The following SLC39A6 variants were observed in gnomAD, a reference collection of about 807,000 sequenced individuals.
SLC39A6 encodes the protein solute carrier family 39 member 6, also known as zinc transporter ZIP6.
Under a neutral mutation model 63.5 loss-of-function variants are expected in SLC39A6, and 51 were observed. The observed-to-expected ratio is 0.80, with a 90% confidence interval of 0.64 to 1.01. The LOEUF (loss-of-function observed/expected upper bound fraction) is 1.01, where lower values mean the gene tolerates loss of function less well. Ranked by LOEUF, SLC39A6 falls within the 50% of genes least tolerant of loss-of-function variation. SLC39A6 has a pLI of 0.00. For missense variants in SLC39A6, 805 were observed against 927.8 expected, an observed-to-expected ratio of 0.87 and a Z score of 1.72; for synonymous variants, 318 against 324.7, an observed-to-expected ratio of 0.98 and a Z score of 0.22.
At chr18:36,119,920 G>A (rs1187859466) in intron 5 of SLC39A6, among the ~76,000 whole-genome samples, 1 of 151,748 alleles carries the variant, frequency 6.6e-6, no homozygotes, top group Non-Finnish European at 1.5e-5. Flanking sequence ...GAAAAAAAAA[G>A]AAAAGCTGTA....
At chr18:36,120,820 A>T (rs896702582) in intron 5 of SLC39A6, among the ~76,000 whole-genome samples, 1 of 152,208 alleles carries the variant, frequency 6.6e-6, no homozygotes, top group African/African-American at 2.4e-5. Flanking sequence ...TGAACACAAA[A>T]GCTGAATACT....
At position 36,109,497 on chromosome 18, in the gene SLC39A6, C is replaced by G. The variant is rs1055911072; in HGVS notation, c.*96G>C. The G allele has an allele frequency of 1.3e-5, 12 of 924,458 alleles. No homozygotes were observed. The highest frequency in any genetic ancestry group is 1.9e-5 in the Non-Finnish European group (12 of 626,452). 57.3% of individuals were successfully genotyped at this position (924,458 alleles called of 1,614,324 possible). On this transcript the variant is annotated 3_prime_UTR_variant, in exon 10 of 10. Coordinates refer to ENST00000269187, the MANE Select transcript of SLC39A6 (RefSeq NM_012319.4). ...ATACAAAAATCACAAAACCCACTAACTTTAAACGCTGCATAGTACAGCATA... is the reference window on the plus strand; with the variant it reads ...ATACAAAAATCACAAAACCCACTAAGTTTAAACGCTGCATAGTACAGCATA...
chr18:36,113,139 G>A (rs1567957071), intron 7 of SLC39A6, among the ~76,000 whole-genome samples: 4 of 151,816 alleles, frequency 2.6e-5, no homozygotes, highest in African/African-American at 9.7e-5. Context: ...CTGTTGGCCA[G>A]GTTGGAGTAT....
chr18:36,115,461 AAACAACAACAACAACAAC>A (rs59445780), intron 6 of SLC39A6, among the ~76,000 whole-genome samples: 6 of 147,484 alleles, frequency 4.1e-5, no homozygotes, highest in South Asian at 2.1e-4. Flanking sequence ...AAAAAAATTA[AAACAACAACAACAACAAC>A]AACAACAACA....
At chr18:36,121,922 T>C in intron 5 of SLC39A6, 130 bp downstream of exon 5, 1 of 651,302 alleles carries the variant, frequency 1.5e-6, no homozygotes, top group South Asian at 2.0e-5. Context: ...CAAAAAGTAC[T>C]TCAAGGGTAC....
At chr18:36,125,075 A>G (rs2089425209) in intron 2 of SLC39A6, among the ~76,000 whole-genome samples, 1 of 152,228 alleles carries the variant, frequency 6.6e-6, no homozygotes, top group Non-Finnish European at 1.5e-5. Context: ...ATGTTGCTTC[A>G]GTACTAACGC....
chr18:36,122,781 C>T (rs2089405038), intron 4 of SLC39A6, among the ~76,000 whole-genome samples: 2 of 152,190 alleles, frequency 1.3e-5, no homozygotes, highest in Admixed American at 1.3e-4. Context: ...CACTAAGATA[C>T]TGGGGGATCA....
chr18:36,119,317 T>C (rs1237220658), intron 5 of SLC39A6, among the ~76,000 whole-genome samples: 3 of 152,202 alleles, frequency 2.0e-5, no homozygotes, highest in Non-Finnish European at 4.4e-5. Flanking sequence ...ATGGGAAGTC[T>C]TCATCTAGAA....
rs765086407 is a variant in SLC39A6, at chr18:36,114,233, G to A, written c.1707C>T (p.His569=). Residue 569 remains histidine, a synonymous_variant, in exon 7 of 10, where the codon CAC becomes CAT. Coordinates refer to ENST00000269187, the MANE Select transcript of SLC39A6 (RefSeq NM_012319.4). ...HDYHHILHHH[H]HQNHHPHSHS... ...GACTGTGAGGATGGTGGTTTTGGTG[G>A]TGGTGATGATGGAGAATATGATGGT... The A allele has an allele frequency of 1.2e-6, 2 of 1,614,206 alleles. No individual in the cohort carries two copies. Among genetic ancestry groups the A allele is most frequent in the Admixed American group, 3.3e-5 (2 of 60,028 alleles).
chr18:36,128,753 G>C (rs1229135615), intron 1 of SLC39A6, among the ~76,000 whole-genome samples: 2 of 152,122 alleles, frequency 1.3e-5, no homozygotes, highest in African/African-American at 4.8e-5. Flanking sequence ...AAGCAGAAGG[G>C]AAGGGCCTTA....
At chr18:36,117,438 A>C (rs1250558556) in intron 5 of SLC39A6, among the ~76,000 whole-genome samples, 1 of 152,160 alleles carries the variant, frequency 6.6e-6, no homozygotes, top group Non-Finnish European at 1.5e-5. Context: ...TTCTCTTTTA[A>C]AACAAGCCTC....
chr18:36,108,587 G>GA lies in SLC39A6; in HGVS notation c.*1005dup, dbSNP rs2144494308. On this transcript the variant is annotated 3_prime_UTR_variant, in exon 10 of 10. Transcript: ENST00000269187. ...AAAGAAACATCTAGAGAATGCCACAGACAGGCCTAGTATGGCTACAGTACC... is the reference window on the plus strand; with the variant it reads ...AAAGAAACATCTAGAGAATGCCACAGAACAGGCCTAGTATGGCTACAGTACC... The GA allele has an allele frequency of 6.6e-6, 1 of 152,288 alleles. No individual in the cohort carries two copies. Among genetic ancestry groups the GA allele is most frequent in the Non-Finnish European group, 1.5e-5 (1 of 68,020 alleles). The allele number at this position is 152,288 out of a possible 1,614,324, so 9.4% of individuals were successfully genotyped here. A position where few individuals can be genotyped will look rare whatever the true frequency, so the allele number is the denominator to read the frequency against.
At chr18:36,111,664 T>C (rs539549607) in intron 8 of SLC39A6, among the ~76,000 whole-genome samples, 1 of 152,248 alleles carries the variant, frequency 6.6e-6, no homozygotes, top group African/African-American at 2.4e-5. Context: ...TTTTTACTTT[T>C]AGTAGAGACG....
chr18:36,113,261 A>AT (rs79594211), intron 7 of SLC39A6, among the ~76,000 whole-genome samples: 1,991 of 146,100 alleles, frequency 0.014, 14 homozygotes, highest in African/African-American at 0.021. Context: ...TACCTGGCTA[A>AT]TTTTTTTTTT....
rs2089284734 is a variant in SLC39A6 at position 36,109,604 on chromosome 18, T to C, written c.2257A>G (p.Ile753Val). The change falls in exon 10 of 10, where the codon ATA (isoleucine) becomes GTA (valine). Residue 753 changes from isoleucine (I) to valine (V), a missense_variant. Coordinates refer to ENST00000269187, the MANE Select transcript of SLC39A6 (RefSeq NM_012319.4). The part of the protein sequence containing the change: ...SIFEHKIVFR[I>V]NF ...CATTTAAACCTTAACTAGAAATTTA[T>C]ACGAAACACGATTTTATGTTCAAAT... is the stretch of plus-strand genomic sequence containing the variant. 1 of 1,606,980 alleles carries C rather than the reference T, an allele frequency of 6.2e-7. No homozygotes were observed. Among genetic ancestry groups the C allele is most frequent in the South Asian group, 1.1e-5 (1 of 89,954 alleles).
chr18:36,126,402 T>C lies in SLC39A6; in HGVS notation c.606A>G (p.Leu202=), dbSNP rs1239619399. The change falls in exon 2 of 10, where the codon CTA becomes CTG. Residue 202 remains leucine (L), a synonymous_variant. Coordinates refer to ENST00000269187, the MANE Select transcript of SLC39A6 (RefSeq NM_012319.4). ...CAGGTCTTGGAGTCTCTATTGTCTC[T>C]AGAAAGTGAGTTCCTTCAGAGACAG... ...YNTVSEGTHF[L]ETIETPRPGK... is the part of the protein sequence containing the mutation. The C allele has an allele frequency of 8.1e-6, 13 of 1,613,932 alleles. No homozygotes were observed. Among genetic ancestry groups the C allele is most frequent in the South Asian group, 7.7e-5 (7 of 91,088 alleles).
intron 5 of SLC39A6, 48 bp from the exon 6 acceptor site, chr18:36,116,827 A>C: frequency 7.4e-7 from 1 of 1,345,766 alleles, no homozygotes; most frequent in South Asian, 1.2e-5. Context: ...ATTTGTTTAT[A>C]TGTACAGCTT....
intron 8 of SLC39A6, among the ~76,000 whole-genome samples, chr18:36,111,939 A>G (rs1217472395): frequency 6.6e-6 from 1 of 152,262 alleles, no homozygotes; most frequent in Non-Finnish European, 1.5e-5. Flanking sequence ...TGAGATGATC[A>G]GCAAATGATA....
At chr18:36,112,624 G>A in intron 7 of SLC39A6, 43 bp from the exon 8 acceptor site, 1 of 1,483,030 alleles carries the variant, frequency 6.7e-7, no homozygotes, top group Non-Finnish European at 9.4e-7. Flanking sequence ...ACATTAATTT[G>A]TGTTTTTTAA....
Sources: gnomAD v4.1 joint callset for allele counts (sites outside exome capture counted in the v4.1 genomes callset) on GRCh38, gnomAD v4.1.1 for gene constraint, MANE v1.5 for transcripts, NCBI Gene and HGNC (gene_info 2026-07-23, HGNC 2026-07-21) for gene names.